The following SNX29 variants were observed in gnomAD, a reference collection of about 807,000 sequenced individuals.
The protein encoded by SNX29 is sorting nexin 29, also known as sorting nexin-29.
In SNX29, 78 loss-of-function variants were observed where a neutral mutation model predicts 102.1. That is an observed-to-expected ratio of 0.76 (90% CI 0.64 to 0.92). The LOEUF (loss-of-function observed/expected upper bound fraction) is 0.92, where lower values mean the gene tolerates loss of function less well. Ranked by LOEUF, SNX29 falls within the 40% of genes least tolerant of loss-of-function variation. The pLI is 0.00. For synonymous variants in SNX29, 580 were observed against 414.5 expected, an observed-to-expected ratio of 1.40 and a Z score of -4.85; for missense variants, 1,280 against 1,061.7, an observed-to-expected ratio of 1.21 and a Z score of -2.86.
Position 12,540,764 on chromosome 16 carries a change from C to G in SNX29, c.2318+15923C>G, listed in dbSNP as rs140858769. ...GGGGCACCATTGATCTTACCGCCAC[C>G]TCCCCTAGAGTGTCAGGTGCTTGAG... On this transcript the variant is annotated intron_variant, in intron 20 of 20. Transcript: ENST00000566228. Among the ~76,000 whole-genome samples, 92 of 152,332 alleles carry G rather than the reference C, an allele frequency of 6.0e-4. 1 individual carries two copies. Among genetic ancestry groups the G allele is most frequent in the African/African-American group, 2.0e-3 (83 of 41,574 alleles).
At chr16:11,981,041 C>T (rs1459453344) in intron 1 of SNX29, among the ~76,000 whole-genome samples, 6 of 151,486 alleles carry the variant, frequency 4.0e-5, no homozygotes, top group African/African-American at 1.2e-4. Flanking sequence ...AATCTCGTCT[C>T]ACTGCAACCT....
At chr16:12,558,130 C>T (rs1026417795) in intron 20 of SNX29, among the ~76,000 whole-genome samples, 20 of 152,222 alleles carry the variant, frequency 1.3e-4, no homozygotes, top group African/African-American at 4.8e-4. Flanking sequence ...CAGCAGCATT[C>T]AGGGATAATC....
At chr16:12,220,729 C>T (rs573210555) in intron 14 of SNX29, among the ~76,000 whole-genome samples, 15 of 152,200 alleles carry the variant, frequency 9.9e-5, no homozygotes, top group Admixed American at 2.6e-4. Context: ...ATTCATATTA[C>T]GAATTATTCA....
chr16:12,116,856 T>C (rs2053728921), intron 11 of SNX29, among the ~76,000 whole-genome samples: 2 of 152,044 alleles, frequency 1.3e-5, no homozygotes, highest in African/African-American at 2.4e-5. Flanking sequence ...GGACGAACCA[T>C]GGAAACAGGC....
At chr16:12,276,359 T>C (rs1474043706) in intron 14 of SNX29, among the ~76,000 whole-genome samples, 1 of 152,254 alleles carries the variant, frequency 6.6e-6, no homozygotes, top group Non-Finnish European at 1.5e-5. Context: ...TCAGGGCTTC[T>C]TTCTGCGTGT....
At chr16:11,976,952 G>A in intron 1 of SNX29, 139 bp downstream of exon 1, 1 of 1,138,204 alleles carries the variant, frequency 8.8e-7, no homozygotes, top group Non-Finnish European at 1.1e-6. Flanking sequence ...CCAGACCCCT[G>A]GCCCCCAGGA....
intron 20 of SNX29, among the ~76,000 whole-genome samples, chr16:12,531,975 C>G (rs145387972): frequency 6.8e-4 from 104 of 152,258 alleles, no homozygotes; most frequent in African/African-American, 2.3e-3. Flanking sequence ...TAAGATGTAG[C>G]AATCACAGTT....
At chr16:12,283,822 T>G (rs1466090473) in intron 15 of SNX29, among the ~76,000 whole-genome samples, 1 of 152,248 alleles carries the variant, frequency 6.6e-6, no homozygotes, top group East Asian at 1.9e-4. Context: ...CCCACAGGCC[T>G]GGAGCTGTGT....
intron 18 of SNX29, among the ~76,000 whole-genome samples, chr16:12,451,719 C>T (rs918342348): frequency 2.0e-5 from 3 of 152,166 alleles, no homozygotes; most frequent in Admixed American, 2.0e-4. Flanking sequence ...AAAAAATTAG[C>T]CGGGCATGGT....
In SNX29 at chr16:12,227,134, TG is replaced by T. The variant is rs2077634891; in HGVS notation, c.1678+27456del. ...CATTGCTGTTGTCATGCAGTGCATCTGGGGGTCTGGCGGATTGGGTGCTGCT... is the reference window on the plus strand; with the variant it reads ...CATTGCTGTTGTCATGCAGTGCATCTGGGGTCTGGCGGATTGGGTGCTGCT... On this transcript the variant is annotated intron_variant, in intron 14 of 20. Transcript: ENST00000566228. 1.1e-4 allele frequency among the ~76,000 whole-genome samples: 5 copies of T among 44,854 alleles called. No individual in the cohort carries two copies. The Admixed American group carries it at 1.2e-3, about 11-fold the overall frequency. The allele number at this position is 44,854 out of a possible 152,430, so 29.4% of individuals were successfully genotyped here. A position where few individuals can be genotyped will look rare whatever the true frequency, so the allele number is the denominator to read the frequency against.
intron 20 of SNX29, among the ~76,000 whole-genome samples, chr16:12,568,100 A>G (rs1040793253): frequency 1.3e-5 from 2 of 152,162 alleles, no homozygotes; most frequent in Admixed American, 1.3e-4. Context: ...GTGTTTTGCT[A>G]CGCATCTTGT....
intron 5 of SNX29, 71 bp downstream of exon 5, chr16:12,043,148 C>A: frequency 6.4e-7 from 1 of 1,566,896 alleles, no homozygotes; most frequent in Non-Finnish European, 8.6e-7. Flanking sequence ...GGAATCAGAC[C>A]ACCTGGATTT....
chr16:12,016,985 T>A (rs933622214), intron 3 of SNX29, among the ~76,000 whole-genome samples: 6 of 151,596 alleles, frequency 4.0e-5, no homozygotes, highest in African/African-American at 1.5e-4. Flanking sequence ...ATTAAAAAAA[T>A]TAACTGACCG....
At chr16:12,394,974 C>G (rs1486117859) in intron 16 of SNX29, among the ~76,000 whole-genome samples, 1 of 152,136 alleles carries the variant, frequency 6.6e-6, no homozygotes, top group Non-Finnish European at 1.5e-5. Flanking sequence ...GCTCCAATGA[C>G]AGAAGGGTTC....
chr16:12,108,343 G>T (rs1412181451), intron 11 of SNX29, among the ~76,000 whole-genome samples: 2 of 152,328 alleles, frequency 1.3e-5, no homozygotes, highest in East Asian at 3.9e-4. Context: ...CAGGCCAGGG[G>T]GAGACTCCAT....
rs574594668 is a variant in SNX29, at chr16:11,996,928, T to C, written c.8-2369T>C. On this transcript the variant is annotated intron_variant, in intron 1 of 20. Coordinates refer to ENST00000566228, the MANE Select transcript of SNX29 (RefSeq NM_032167.5). ...TTCCAGAAAAAAATACTAACGGTAC[T>C]TTTTGAAGAGTCAGTTGTTTTATTG... is the stretch of plus-strand genomic sequence containing the variant. 5.9e-5 allele frequency among the ~76,000 whole-genome samples: 9 copies of C among 152,292 alleles called. No individual in the cohort carries two copies. In the South Asian group the frequency reaches 1.9e-3, roughly 32 times the overall value.
chr16:11,988,370 T>A (rs2055716311), intron 1 of SNX29, among the ~76,000 whole-genome samples: 1 of 152,082 alleles, frequency 6.6e-6, no homozygotes, highest in East Asian at 1.9e-4. Context: ...AATAGGCATA[T>A]AATTTGCATT....
At chr16:12,403,620 G>A (rs945811275) in intron 18 of SNX29, 91 bp downstream of exon 18, 1 of 1,261,904 alleles carries the variant, frequency 7.9e-7, no homozygotes, top group South Asian at 1.3e-5. Flanking sequence ...TGGTGGTGGG[G>A]CGCTATGATT....
intron 15 of SNX29, among the ~76,000 whole-genome samples, chr16:12,281,459 C>G (rs996120629): frequency 2.0e-5 from 3 of 152,096 alleles, no homozygotes; most frequent in Admixed American, 6.5e-5. Flanking sequence ...CATCTTGTGC[C>G]AAGGACTGGA....
Sources: gnomAD v4.1 joint callset for allele counts (sites outside exome capture counted in the v4.1 genomes callset) on GRCh38, gnomAD v4.1.1 for gene constraint, MANE v1.5 for transcripts, NCBI Gene and HGNC (gene_info 2026-07-23, HGNC 2026-07-21) for gene names.